The following F10 variants were observed in gnomAD, a reference collection of about 807,000 sequenced individuals.
F10 encodes the protein coagulation factor X.
A neutral mutation model predicts 37.1 loss-of-function variants in F10; 29 were observed. The ratio of observed to expected loss-of-function variants is 0.78; its 90% CI spans 0.58 to 1.07. F10 has a LOEUF of 1.07. Ranked by LOEUF, F10 falls within the 50% of genes least tolerant of loss-of-function variation. The pLI is 0.00. For synonymous variants in F10, 262 were observed against 268.6 expected (o/e 0.98, Z 0.24); for missense variants, 539 against 667.9 (o/e 0.81, Z 2.13).
At chr13:113,142,920 G>A (rs1436947515) in intron 5 of F10, among the ~76,000 whole-genome samples, 11 of 150,476 alleles carry the variant, frequency 7.3e-5, no homozygotes, top group Admixed American at 6.6e-4. Context: ...AGACAAGAGA[G>A]AAACTCCATC....
rs1351641647 is a variant in F10, at chr13:113,143,636, C to T, written c.503-215C>T. ...CTGGCGTCCATTGTTCACAGGCGGT[C>T]ACCTGAGGGGAGGCCAACGCTCGGA... On this transcript the variant is annotated intron_variant, in intron 5 of 7. Transcript: ENST00000375559. The surrounding 1 kb of genome is among the most constrained non-coding windows in gnomAD (Gnocchi z 6.8). Among the ~76,000 whole-genome samples the T allele has an allele frequency of 6.6e-6, 1 of 152,206 alleles. No individual in the cohort carries two copies. The highest frequency in any genetic ancestry group is 1.5e-5 in the Non-Finnish European group (1 of 68,034).
chr13:113,137,050 G>A (rs1426690446), intron 2 of F10, among the ~76,000 whole-genome samples: 9 of 152,186 alleles, frequency 5.9e-5, no homozygotes, highest in Non-Finnish European at 1.5e-5. Context: ...CTCCCAAAGT[G>A]CTGGGATTAT....
intron 2 of F10, among the ~76,000 whole-genome samples, chr13:113,135,268 G>T (rs963291166): frequency 1.3e-5 from 2 of 151,282 alleles, no homozygotes; most frequent in African/African-American, 2.4e-5. Flanking sequence ...CAAAAGAAAA[G>T]AAAGAATTGT....
At chr13:113,127,827 C>T (rs1162154411) in intron 1 of F10, among the ~76,000 whole-genome samples, 1 of 152,142 alleles carries the variant, frequency 6.6e-6, no homozygotes, top group Non-Finnish European at 1.5e-5. Flanking sequence ...TAACAAAGAG[C>T]AGAGACCTTA....
At chr13:113,140,675 G>T in intron 4 of F10, 1 of 683,632 alleles carries the variant, frequency 1.5e-6, no homozygotes. Flanking sequence ...GGCCATCCCG[G>T]AGGTGTGAGG....
chr13:113,123,535 G>A (rs533462527), intron 1 of F10, among the ~76,000 whole-genome samples: 13 of 152,334 alleles, frequency 8.5e-5, no homozygotes, highest in Non-Finnish European at 4.4e-5. Flanking sequence ...TGGGGACAGC[G>A]GAGGAAGAGG....
intron 2 of F10, among the ~76,000 whole-genome samples, chr13:113,135,365 G>T (rs1260460020): frequency 6.6e-6 from 1 of 152,148 alleles, no homozygotes; most frequent in African/African-American, 2.4e-5. Flanking sequence ...ACAGAATAAG[G>T]TTATTGCTCA....
rs961748160 is a variant in F10, at chr13:113,143,577, A to T, written c.503-274A>T. Among the ~76,000 whole-genome samples, 1 of 152,088 alleles carries T rather than the reference A, an allele frequency of 6.6e-6. No individual in the cohort carries two copies. The highest frequency in any genetic ancestry group is 1.5e-5 in the Non-Finnish European group (1 of 68,020). ...TGGTGCATTTTCAGGCAAACCGCAG[A>T]CGCCAACACTCCCCTCGCTGCCTGG... On this transcript the variant is annotated intron_variant, in intron 5 of 7. Coordinates refer to ENST00000375559, the MANE Select transcript of F10 (RefSeq NM_000504.4). This position sits in a 1 kb window ranked among gnomAD's most constrained non-coding sequence, Gnocchi z 6.8.
chr13:113,126,757 C>T (rs774340331), intron 1 of F10, among the ~76,000 whole-genome samples: 4 of 152,196 alleles, frequency 2.6e-5, no homozygotes, highest in Non-Finnish European at 4.4e-5. Flanking sequence ...AGGAGGCCCG[C>T]GAGTCCCAGT....
At chr13:113,140,151 G>A (rs987899566) in intron 4 of F10, among the ~76,000 whole-genome samples, 3 of 142,262 alleles carry the variant, frequency 2.1e-5, no homozygotes, top group Non-Finnish European at 4.5e-5. Context: ...TCAGCTCACC[G>A]CAAGCTCCGC....
rs485798 is a variant in F10, at chr13:113,129,907, T to G, written c.231+295T>G. The G allele has an allele frequency of 0.14, 57,909 of 425,506 alleles. 4,625 individuals carry two copies. Among genetic ancestry groups the G allele is most frequent in the South Asian group, 0.23 (10,752 of 47,270 alleles). 26.4% of individuals were successfully genotyped at this position (425,506 alleles called of 1,614,324 possible). ...AGTTAAGTTCTATTTAAAAATAAAA[T>G]GTTAACCTAAAAACCAATAGTCATG... On this transcript the variant is annotated intron_variant, in intron 2 of 7. Coordinates refer to ENST00000375559, the MANE Select transcript of F10 (RefSeq NM_000504.4).
At position 113,143,811 on chromosome 13, in the gene F10, C is replaced by G; in HGVS notation, c.503-40C>G. ...GAGCTGTGCAGGCTATGGGGAGCCT[C>G]TCTCTGTGCTGAAGGCCCCGGCCGT... On this transcript the variant is annotated intron_variant, in intron 5 of 7. Transcript: ENST00000375559. This position sits in a 1 kb window ranked among gnomAD's most constrained non-coding sequence, Gnocchi z 6.8. The G allele has an allele frequency of 6.2e-7, 1 of 1,607,318 alleles. No homozygotes were observed. The highest frequency in any genetic ancestry group is 8.5e-7 in the Non-Finnish European group (1 of 1,179,940).
Position 113,141,566 on chromosome 13 carries a change from T to C in F10, c.502+516T>C, listed in dbSNP as rs1746826261. On this transcript the variant is annotated intron_variant, in intron 5 of 7. Coordinates refer to ENST00000375559, the MANE Select transcript of F10 (RefSeq NM_000504.4). The surrounding 1 kb of genome is among the most constrained non-coding windows in gnomAD (Gnocchi z 5.4). ...TCATTGAACGTAGTTTTTCTTTTCC[T>C]TGATGAATGTGGACAACAGGCGGCC... Among the ~76,000 whole-genome samples, 1 of 152,178 alleles carries C rather than the reference T, an allele frequency of 6.6e-6. No individual in the cohort carries two copies. The highest frequency in any genetic ancestry group is 1.5e-5 in the Non-Finnish European group (1 of 68,026).
rs2036510033 is a variant in F10 at position 113,139,724 on chromosome 13, T to C, written c.370+254T>C. Among the ~76,000 whole-genome samples, 1 of 151,968 alleles carries C rather than the reference T, an allele frequency of 6.6e-6. No individual in the cohort carries two copies. The highest frequency in any genetic ancestry group is 2.4e-5 in the African/African-American group (1 of 41,374). On this transcript the variant is annotated intron_variant, in intron 4 of 7. Coordinates refer to ENST00000375559, the MANE Select transcript of F10 (RefSeq NM_000504.4). This position sits in a 1 kb window ranked among gnomAD's most constrained non-coding sequence, Gnocchi z 5.2. ...ACTTCTCTGCTCCTCCGAGAGAGAC[T>C]GTAGAACATTGATGAAGCGTGTGAT...
intron 1 of F10, chr13:113,128,901 A>AAAAAAAAAAAAAAAAAAAAAAAAAC: frequency 6.5e-6 from 1 of 153,588 alleles, no homozygotes. Flanking sequence ...AAAAAAAAAA[A>AAAAAAAAAAAAAAAAAAAAAAAAAC]AAAAAAAAAA....
Position 113,122,923 on chromosome 13 carries a change from G to A in F10, c.68G>A (p.Ser23Asn). ...GCTGGCCTCCTGCTGCTCGGGGAAA[G>A]TCGTAAGTGCCCCTCGCCCTTCAGA... Reference protein sequence around the residue: ...SLAGLLLLGESLFIRREQANN... With the variant: ...SLAGLLLLGENLFIRREQANN... Residue 23 changes from serine (S) to asparagine (N), a missense_variant and splice_region_variant, in exon 1 of 8, where the codon AGT becomes AAT. Ser to Asn is a conservative substitution (Grantham distance 46). Coordinates refer to ENST00000375559, the MANE Select transcript of F10 (RefSeq NM_000504.4). 2 of 1,609,592 alleles carry A rather than the reference G, an allele frequency of 1.2e-6. No homozygotes were observed. The highest frequency in any genetic ancestry group is 1.7e-6 in the Non-Finnish European group (2 of 1,179,998).
Position 113,149,387 on chromosome 13 carries a change from A to T in F10, c.1337A>T (p.Lys446Met). The T allele has an allele frequency of 6.6e-7, 1 of 1,523,854 alleles. No homozygotes were observed. Among genetic ancestry groups the T allele is most frequent in the Non-Finnish European group, 8.8e-7 (1 of 1,131,734 alleles). The allele number at this position is 1,523,854 out of a possible 1,614,324, so 94.4% of individuals were successfully genotyped here. ...AGCTGGGGAGAGGGCTGTGCCCGTA[A>T]GGGGAAGTACGGGATCTACACCAAG... The part of the protein sequence containing the change: ...IVSWGEGCAR[K>M]GKYGIYTKVT... Residue 446 changes from lysine to methionine, a missense_variant, in exon 8 of 8, where the codon AAG becomes ATG. By Grantham distance (95) the Lys-to-Met change is moderately conservative. Coordinates refer to ENST00000375559, the MANE Select transcript of F10 (RefSeq NM_000504.4). This position sits in a 1 kb window ranked among gnomAD's most constrained non-coding sequence, Gnocchi z 7.5.
intron 7 of F10, among the ~76,000 whole-genome samples, chr13:113,148,399 TAC>T (rs10672302): frequency 1.2e-4 from 16 of 138,620 alleles, no homozygotes; most frequent in African/African-American, 3.2e-4. Flanking sequence ...TACATATATA[TAC>T]ACACACACAC....
intron 5 of F10, among the ~76,000 whole-genome samples, chr13:113,142,932 CAAA>C (rs761666003): frequency 7.6e-6 from 1 of 132,336 alleles, no homozygotes; most frequent in Non-Finnish European, 1.6e-5. Flanking sequence ...AACTCCATCT[CAAA>C]AAAAAAAAAA....
Sources: allele counts gnomAD v4.1 joint callset (sites outside exome capture counted in the v4.1 genomes callset), GRCh38; gene constraint gnomAD v4.1.1; non-coding constraint Gnocchi (gnomAD v3.1); transcripts MANE v1.5; gene names NCBI Gene and HGNC (gene_info 2026-07-23, HGNC 2026-07-21).